Variants in FNIP1 observed in about 807,000 individuals in gnomAD.
FNIP1 encodes the protein folliculin interacting protein 1.
FNIP1 carries 40 observed loss-of-function variants against 124.5 expected under a neutral mutation model. That is an observed-to-expected ratio of 0.32 (90% CI 0.25 to 0.42). The LOEUF (loss-of-function observed/expected upper bound fraction) is 0.42. Among genes scored for constraint, FNIP1 ranks in the 10% least tolerant of loss-of-function variants. The probability of loss-of-function intolerance (pLI) is 1.00; values close to 1 mark genes in which losing one functional copy is unlikely to be tolerated. For synonymous variants in FNIP1, 472 were observed against 470.6 expected, an observed-to-expected ratio of 1.00 and a Z score of -0.04; for missense variants, 1,176 against 1,403.7, an observed-to-expected ratio of 0.84 and a Z score of 2.59.
chr5:131,703,846 T>G (rs1768984723), intron 10 of FNIP1, among the ~76,000 whole-genome samples: 2 of 152,194 alleles, frequency 1.3e-5, no homozygotes, highest in Admixed American at 1.3e-4. Context: ...TTTTAGTCCC[T>G]CAAATATTTA....
intron 10 of FNIP1, among the ~76,000 whole-genome samples, chr5:131,703,530 AG>A (rs1263340206): frequency 6.6e-6 from 1 of 152,242 alleles, no homozygotes; most frequent in African/African-American, 2.4e-5. Context: ...ATGCTGCTTA[AG>A]TATCAGGCTT....
chr5:131,748,416 G>A (rs920801414), intron 1 of FNIP1, among the ~76,000 whole-genome samples: 5 of 152,216 alleles, frequency 3.3e-5, no homozygotes, highest in East Asian at 1.9e-4. Context: ...TATGTTGGCC[G>A]GGTGCAGTGG....
Position 131,759,944 on chromosome 5 carries a change from G to T in FNIP1, c.93-15254C>A, listed in dbSNP as rs181944848. On this transcript the variant is annotated intron_variant, in intron 1 of 17. Coordinates refer to ENST00000510461, the MANE Select transcript of FNIP1 (RefSeq NM_133372.3). ...GAAATCATGTCCTTTGCAGCAACAT[G>T]GAGGCGGCTGGAAGCCATAATCCTA... 2.1e-3 allele frequency among the ~76,000 whole-genome samples: 323 copies of T among 152,356 alleles called. 1 individual carries two copies. Among genetic ancestry groups the T allele is most frequent in the African/African-American group, 7.4e-3 (308 of 41,580 alleles).
chr5:131,753,656 T>C lies in FNIP1; in HGVS notation c.93-8966A>G, dbSNP rs187537497. On this transcript the variant is annotated intron_variant, in intron 1 of 17. Transcript: ENST00000510461. ...GAGTGATCAAAATGTCCTTTATCTT[T>C]ATTGCCATTGTGGTTAAGTAGATGC... 2.7e-3 allele frequency among the ~76,000 whole-genome samples: 405 copies of C among 152,344 alleles called. 5 individuals are homozygous for C. Among genetic ancestry groups the C allele is most frequent in the Non-Finnish European group, 4.7e-3 (318 of 68,024 alleles).
At chr5:131,684,051 A>C (rs1768183175) in intron 11 of FNIP1, among the ~76,000 whole-genome samples, 1 of 152,212 alleles carries the variant, frequency 6.6e-6, no homozygotes, top group African/African-American at 2.4e-5. Context: ...GGTACATCAC[A>C]ATCTTCTTAC....
chr5:131,670,649 C>G lies in FNIP1; in HGVS notation c.2940-18G>C. 6.4e-7 allele frequency: 1 copy of G among 1,563,766 alleles called. No individual in the cohort carries two copies. The highest frequency in any genetic ancestry group is 8.6e-7 in the Non-Finnish European group (1 of 1,159,768). On this transcript the variant is annotated intron_variant, in intron 14 of 17. Coordinates refer to ENST00000510461, the MANE Select transcript of FNIP1 (RefSeq NM_133372.3). The stretch of plus-strand genomic sequence containing the variant: ...ACTTTGACCTGGAAGAAAAATGCCC[C>G]CAAAAGACATTTATTTAGTAATAAA...
At chr5:131,784,820 T>C (rs946177109) in intron 1 of FNIP1, among the ~76,000 whole-genome samples, 1 of 147,664 alleles carries the variant, frequency 6.8e-6, no homozygotes, top group African/African-American at 2.5e-5. Flanking sequence ...AGACTGTCTC[T>C]CAAAAAAATA....
intron 11 of FNIP1, among the ~76,000 whole-genome samples, chr5:131,695,492 C>T (rs1475836859): frequency 6.6e-6 from 1 of 152,168 alleles, no homozygotes; most frequent in Non-Finnish European, 1.5e-5. Context: ...ATTATTCAGC[C>T]TGTGCAGGTC....
intron 2 of FNIP1, among the ~76,000 whole-genome samples, chr5:131,740,436 A>C (rs1483640747): frequency 6.6e-6 from 1 of 152,218 alleles, no homozygotes; most frequent in Non-Finnish European, 1.5e-5. Flanking sequence ...AGTTATGTGA[A>C]TTTACTGATG....
intron 11 of FNIP1, 106 bp downstream of exon 11, chr5:131,698,811 C>T (rs916789088): frequency 1.9e-5 from 17 of 912,656 alleles, no homozygotes; most frequent in Non-Finnish European, 2.6e-5. Flanking sequence ...CATCATATGA[C>T]TATAGGACAA....
intron 1 of FNIP1, among the ~76,000 whole-genome samples, chr5:131,767,895 A>AGT: frequency 1.3e-5 from 2 of 152,262 alleles, no homozygotes; most frequent in East Asian, 3.9e-4. Flanking sequence ...TTTTTCTCTA[A>AGT]CTACATCTTA....
intron 15 of FNIP1, among the ~76,000 whole-genome samples, chr5:131,663,039 G>C (rs1767490197): frequency 6.6e-6 from 1 of 152,080 alleles, no homozygotes; most frequent in Non-Finnish European, 1.5e-5. Context: ...CACCGCGGCT[G>C]GCCTGGGGAT....
At chr5:131,650,376 T>G (rs1361292520) in intron 16 of FNIP1, among the ~76,000 whole-genome samples, 1 of 152,226 alleles carries the variant, frequency 6.6e-6, no homozygotes, top group Non-Finnish European at 1.5e-5. Context: ...TTTTTGGTGC[T>G]ATTGTAAGTG....
At chr5:131,656,115 A>C (rs1580729687) in intron 15 of FNIP1, among the ~76,000 whole-genome samples, 1 of 152,296 alleles carries the variant, frequency 6.6e-6, no homozygotes, top group South Asian at 2.1e-4. Flanking sequence ...TGGTGTTTAA[A>C]GGTTCTCATG....
intron 6 of FNIP1, among the ~76,000 whole-genome samples, chr5:131,714,669 A>G (rs1269412265): frequency 6.6e-6 from 1 of 152,134 alleles, no homozygotes; most frequent in Non-Finnish European, 1.5e-5. Context: ...CTGCTTCTTC[A>G]TAGAACATTT....
At chr5:131,721,871 C>G (rs566319027) in intron 3 of FNIP1, among the ~76,000 whole-genome samples, 1 of 152,168 alleles carries the variant, frequency 6.6e-6, no homozygotes, top group Non-Finnish European at 1.5e-5. Context: ...TTTGTCTTCA[C>G]AGGAGTCAGA....
rs144800912 is a variant in FNIP1, at chr5:131,650,859, T to C, written c.3306+943A>G. 5.5e-3 allele frequency among the ~76,000 whole-genome samples: 841 copies of C among 152,294 alleles called. 6 individuals are homozygous for C. Among genetic ancestry groups the C allele is most frequent in the Middle Eastern group, 0.02 (6 of 294 alleles). ...AGAACCTTGAAAGTTGGAAATGGGA[T>C]CTTTAGAAAGAGGTTACCAGTATTA... On this transcript the variant is annotated intron_variant, in intron 16 of 17. Coordinates refer to ENST00000510461, the MANE Select transcript of FNIP1 (RefSeq NM_133372.3).
At chr5:131,724,428 T>A (rs1164137268) in intron 3 of FNIP1, among the ~76,000 whole-genome samples, 3 of 152,224 alleles carry the variant, frequency 2.0e-5, no homozygotes, top group African/African-American at 7.2e-5. Flanking sequence ...GCTTATCTCA[T>A]CATGGTTTTG....
intron 1 of FNIP1, among the ~76,000 whole-genome samples, chr5:131,745,430 G>A (rs1770644279): frequency 1.3e-5 from 2 of 152,050 alleles, no homozygotes; most frequent in South Asian, 4.1e-4. Context: ...TGCAGTGGGA[G>A]GATCGCTTGA....
Sources: gnomAD v4.1 joint callset for allele counts (sites outside exome capture counted in the v4.1 genomes callset) on GRCh38, gnomAD v4.1.1 for gene constraint, MANE v1.5 for transcripts, NCBI Gene and HGNC (gene_info 2026-07-23, HGNC 2026-07-21) for gene names.